Variants in ADGRL2 observed in about 807,000 individuals in gnomAD.
The protein encoded by ADGRL2 is adhesion G protein-coupled receptor L2.
A neutral mutation model predicts 157.4 loss-of-function variants in ADGRL2; 44 were observed. The ratio of observed to expected loss-of-function variants is 0.28; its 90% CI spans 0.22 to 0.36. The LOEUF is 0.36. Among genes scored for constraint, ADGRL2 ranks in the 10% least tolerant of loss-of-function variants. The pLI is 1.00. For synonymous variants in ADGRL2, 585 were observed against 624.7 expected (o/e 0.94, Z 0.95); for missense variants, 1,510 against 1,768.9 (o/e 0.85, Z 2.63).
At chr1:81,894,271 T>A (rs566345987) in intron 2 of ADGRL2, among the ~76,000 whole-genome samples, 23 of 152,324 alleles carry the variant, frequency 1.5e-4, no homozygotes, top group African/African-American at 4.1e-4. Flanking sequence ...GTGTTTTTTT[T>A]AAATTATTTT....
intron 3 of ADGRL2, among the ~76,000 whole-genome samples, chr1:81,607,443 C>T (rs1005185094): frequency 6.6e-6 from 1 of 152,244 alleles, no homozygotes; most frequent in East Asian, 1.9e-4. Context: ...TCCAACCAGG[C>T]TTTTCTAACC....
chr1:81,786,727 C>A (rs1346666074), intron 2 of ADGRL2, among the ~76,000 whole-genome samples: 1 of 152,154 alleles, frequency 6.6e-6, no homozygotes, highest in Non-Finnish European at 1.5e-5. Context: ...CTTCTGGTAA[C>A]TTTTAGTGAA....
chr1:81,759,669 GC>G (rs1225542780), intron 1 of ADGRL2, among the ~76,000 whole-genome samples: 1 of 152,050 alleles, frequency 6.6e-6, no homozygotes, highest in African/African-American at 2.4e-5. Flanking sequence ...AATGCATCAT[GC>G]TTTTCCTTCT....
At position 81,557,177 on chromosome 1, in the gene ADGRL2, G is replaced by C. The variant is rs191288223; in HGVS notation, c.-247-23699G>C. The C allele has an allele frequency of 7.4e-4, 131 of 177,296 alleles. 1 individual carries two copies. Among genetic ancestry groups the C allele is most frequent in the Non-Finnish European group, 1.2e-3 (85 of 73,508 alleles). The allele number at this position is 177,296 out of a possible 1,614,324, so 11.0% of individuals were successfully genotyped here. Reference sequence around the variant, plus strand: ...ACGCCTCCTCAAGGTAGGCCAAGGAGTCCCGAGGGATACCGATGCTGGCCG... The same window carrying C: ...ACGCCTCCTCAAGGTAGGCCAAGGACTCCCGAGGGATACCGATGCTGGCCG... On this transcript the variant is annotated intron_variant, in intron 2 of 24. Transcript: ENST00000370721.
chr1:81,714,885 T>G (rs531019525), intron 1 of ADGRL2, among the ~76,000 whole-genome samples: 13 of 152,086 alleles, frequency 8.5e-5, no homozygotes, highest in Non-Finnish European at 1.6e-4. Context: ...TAGTTGCTTC[T>G]ACTCAATGTA....
In ADGRL2 at chr1:81,986,888, T is replaced by C. The variant is rs1321040936; in HGVS notation, c.3509-13T>C. ...TTTCTCTGTTTTTTTGTTGTTTTTT[T>C]TTTTTACTTTAGGAATGACTGGCAA... On this transcript the variant is annotated splice_polypyrimidine_tract_variant and intron_variant, in intron 21 of 23. Transcript: ENST00000686636. 6.3e-7 allele frequency: 1 copy of C among 1,592,120 alleles called. No individual in the cohort carries two copies. Among genetic ancestry groups the C allele is most frequent in the African/African-American group, 1.4e-5 (1 of 73,222 alleles).
chr1:81,370,541 C>T (rs10782755), intron 1 of ADGRL2, among the ~76,000 whole-genome samples: 79,226 of 151,954 alleles, frequency 0.52, 22,834 homozygotes, highest in East Asian at 0.71. Flanking sequence ...ATTATACCCA[C>T]AACATACTTT....
chr1:81,654,314 C>T (rs889603699), intron 3 of ADGRL2, among the ~76,000 whole-genome samples: 5 of 152,254 alleles, frequency 3.3e-5, no homozygotes, highest in Admixed American at 2.0e-4. Flanking sequence ...CACCCAGCCT[C>T]GAAACCTTGA....
chr1:81,406,811 C>A (rs546973105), intron 1 of ADGRL2, among the ~76,000 whole-genome samples: 1 of 152,266 alleles, frequency 6.6e-6, no homozygotes, highest in African/African-American at 2.4e-5. Context: ...AAAGGGGACT[C>A]TGGAGGTTAA....
chr1:81,333,431 T>A (rs1398795448), intron 1 of ADGRL2, among the ~76,000 whole-genome samples: 2 of 148,866 alleles, frequency 1.3e-5, no homozygotes, highest in South Asian at 2.1e-4. Flanking sequence ...TTATTTATTT[T>A]TTGAGACGGA....
At chr1:81,941,322 T>G (rs1647902486) in intron 4 of ADGRL2, among the ~76,000 whole-genome samples, 1 of 151,568 alleles carries the variant, frequency 6.6e-6, no homozygotes, top group Non-Finnish European at 1.5e-5. Flanking sequence ...TACCTTACCC[T>G]ACTCTTCAAA....
At chr1:81,867,490 T>G (rs2093575692) in intron 2 of ADGRL2, among the ~76,000 whole-genome samples, 1 of 152,208 alleles carries the variant, frequency 6.6e-6, no homozygotes, top group Non-Finnish European at 1.5e-5. Flanking sequence ...TACTGATCCA[T>G]GAGAGAAAAA....
intron 2 of ADGRL2, among the ~76,000 whole-genome samples, chr1:81,553,892 A>G (rs1332956373): frequency 9.2e-5 from 14 of 152,222 alleles, no homozygotes; most frequent in Non-Finnish European, 2.1e-4. Context: ...ATGATGCTTC[A>G]TTTGCAAAAT....
In ADGRL2 at chr1:81,531,437, A is replaced by G. The variant is rs115635825; in HGVS notation, c.-247-49439A>G. On this transcript the variant is annotated intron_variant, in intron 2 of 24. Coordinates refer to the ADGRL2 transcript ENST00000370721. ...GTAGGAATTCTCTCTCTTATTATCT[A>G]TGGTAATCTAGAAACTAGCCACATG... 9.6e-3 allele frequency among the ~76,000 whole-genome samples: 1,468 copies of G among 152,330 alleles called. 26 individuals carry two copies. Among genetic ancestry groups the G allele is most frequent in the African/African-American group, 0.033 (1,375 of 41,578 alleles).
intron 3 of ADGRL2, among the ~76,000 whole-genome samples, chr1:81,599,787 C>T (rs1297335644): frequency 1.3e-5 from 2 of 152,050 alleles, no homozygotes; most frequent in African/African-American, 4.8e-5. Context: ...AAGTGATGTC[C>T]ATTTAGGTGA....
At chr1:81,345,266 C>T (rs937408754) in intron 1 of ADGRL2, among the ~76,000 whole-genome samples, 5 of 152,168 alleles carry the variant, frequency 3.3e-5, no homozygotes, top group African/African-American at 9.7e-5. Context: ...ATGCAAGTCA[C>T]TAAGCCTGGG....
At chr1:81,464,910 GAA>G (rs1206400594) in intron 2 of ADGRL2, among the ~76,000 whole-genome samples, 1 of 132,378 alleles carries the variant, frequency 7.6e-6, no homozygotes, top group South Asian at 2.4e-4. Flanking sequence ...AGTCTTCAGA[GAA>G]TGACAAATAG....
Position 81,990,918 on chromosome 1 carries a change from G to C in ADGRL2, c.4183G>C (p.Glu1395Gln), listed in dbSNP as rs372358222. Residue 1395 changes from glutamate to glutamine, a missense_variant, in exon 24 of 24, where the codon GAG becomes CAG. Physicochemically the swap from Glu to Gln is conservative, Grantham distance 29. Around this residue, in one of 4 missense-constraint regions of ADGRL2, gnomAD observed 327 missense variants for 310.1 expected, o/e 1.05. Coordinates refer to ENST00000686636, the MANE Select transcript of ADGRL2 (RefSeq NM_001366006.2). The stretch of plus-strand genomic sequence containing the variant: ...CAATCTTAGAGACTCTCCCTATCCG[G>C]AGAGCAGCCCTGACATGGAAGAAGA... ...MPNLRDSPYP[E>Q]SSPDMEEDLS... 1.1e-5 allele frequency: 17 copies of C among 1,613,932 alleles called. No individual in the cohort carries two copies. The highest frequency in any genetic ancestry group is 8.0e-5 in the African/African-American group (6 of 74,882).
At chr1:81,883,067 A>G (rs549610743) in intron 2 of ADGRL2, among the ~76,000 whole-genome samples, 3 of 152,294 alleles carry the variant, frequency 2.0e-5, no homozygotes, top group African/African-American at 4.8e-5. Flanking sequence ...GCAGCTGGCA[A>G]CAGCAGTTGG....
Sources: allele counts gnomAD v4.1 joint callset (sites outside exome capture counted in the v4.1 genomes callset), GRCh38; gene constraint gnomAD v4.1.1; regional missense constraint gnomAD v4.1.1; transcripts MANE v1.5; gene names NCBI Gene and HGNC (gene_info 2026-07-23, HGNC 2026-07-21).